ELAVL3: variants seen among roughly 807,000 people sequenced by gnomAD.
The protein encoded by ELAVL3 is ELAV like RNA binding protein 3.
ELAVL3 carries 8 observed loss-of-function variants against 34.2 expected under a neutral mutation model. The observed-to-expected ratio is 0.23, with a 90% CI of 0.14 to 0.42. The LOEUF is 0.42. Among genes scored for constraint, ELAVL3 ranks in the 10% least tolerant of loss-of-function variants. The pLI is 1.00. For synonymous variants in ELAVL3, 209 were observed against 222.1 expected (o/e 0.94, Z 0.53); for missense variants, 273 against 518.8 (o/e 0.53, Z 4.60).
rs552353483 is a variant in ELAVL3 at position 11,454,328 on chromosome 19, G to A, written c.*198C>T. ...CAGGAGGATGGGGCGGGGGATCCCC[G>A]GGCACCCCCCCAATTCCCTGCAGAC... On this transcript the variant is annotated 3_prime_UTR_variant, in exon 7 of 7. Transcript: ENST00000359227. This position sits in a 1 kb window ranked among gnomAD's most constrained non-coding sequence, Gnocchi z 9.2. 29 of 581,782 alleles carry A rather than the reference G, an allele frequency of 5.0e-5. No homozygotes were observed. Among genetic ancestry groups the A allele is most frequent in the South Asian group, 2.1e-4 (9 of 42,714 alleles). The allele number at this position is 581,782 out of a possible 1,614,324, so 36.0% of individuals were successfully genotyped here.
At chr19:11,464,168 T>TA (rs34925349) in intron 3 of ELAVL3, among the ~76,000 whole-genome samples, 5,528 of 78,406 alleles carry the variant, frequency 0.071, 181 homozygotes, top group East Asian at 0.2. Context: ...TATATATATA[T>TA]TTTTTTTTTT....
rs780686393 is a variant in ELAVL3, at chr19:11,458,051, G to A, written c.713+10C>T. ...CCGGCCTGGGGCCATCTGGCTGGCA[G>A]GGGGCTCACCGGAAACGCTGGGTCT... On this transcript the variant is annotated intron_variant, in intron 5 of 6. Coordinates refer to ENST00000359227, the MANE Select transcript of ELAVL3 (RefSeq NM_001420.4). This position sits in a 1 kb window ranked among gnomAD's most constrained non-coding sequence, Gnocchi z 7.3. 9.3e-6 allele frequency: 15 copies of A among 1,609,760 alleles called. No homozygotes were observed. In the East Asian group the frequency reaches 2.5e-4, roughly 26 times the overall value.
rs144461011 is a variant in ELAVL3, at chr19:11,466,732, G to A, written c.105C>T (p.Asp35=). ...GPLLGTNGAT[D]DSKTNLIVNY... ...TGACGATGAGGTTGGTCTTGCTGTC[G>A]TCAGTGGCTCCATTTGTACCAAGGA... Residue 35 remains aspartate, a synonymous_variant, in exon 2 of 7, where the codon GAC becomes GAT. Transcript: ENST00000359227. The surrounding 1 kb of genome is among the most constrained non-coding windows in gnomAD (Gnocchi z 5.0). The A allele has an allele frequency of 3.7e-6, 6 of 1,614,144 alleles. No homozygotes were observed. Among genetic ancestry groups the A allele is most frequent in the East Asian group, 2.2e-5 (1 of 44,874 alleles).
In ELAVL3 at chr19:11,452,877, C is replaced by A. The variant is rs1970683578; in HGVS notation, c.*1649G>T. 1 of 152,010 alleles carries A rather than the reference C, an allele frequency of 6.6e-6. No individual in the cohort carries two copies. Among genetic ancestry groups the A allele is most frequent in the Non-Finnish European group, 1.5e-5 (1 of 68,008 alleles). The allele number at this position is 152,010 out of a possible 1,614,324, so 9.4% of individuals were successfully genotyped here. Reference sequence around the variant, plus strand: ...AAGAAAACTAGGGCGATGCAATGTCCAGACAGAAGCCGGGGGCCGGGGCTC... The same window carrying A: ...AAGAAAACTAGGGCGATGCAATGTCAAGACAGAAGCCGGGGGCCGGGGCTC... On this transcript the variant is annotated 3_prime_UTR_variant, in exon 7 of 7. Coordinates refer to ENST00000359227, the MANE Select transcript of ELAVL3 (RefSeq NM_001420.4).
intron 3 of ELAVL3, among the ~76,000 whole-genome samples, chr19:11,464,600 CACAT>C (rs1460258661): frequency 2.7e-5 from 4 of 147,254 alleles, no homozygotes; most frequent in African/African-American, 1.0e-4. Context: ...CATACACACA[CACAT>C]ACACCACACA....
intron 6 of ELAVL3, 126 bp from the exon 7 acceptor site, chr19:11,455,003 A>AT: frequency 4.4e-6 from 5 of 1,131,352 alleles, no homozygotes; most frequent in South Asian, 1.5e-5. Context: ...CCTGCAATGC[A>AT]ATTTTTTTTT....
intron 1 of ELAVL3, among the ~76,000 whole-genome samples, chr19:11,475,987 G>T (rs1224019749): frequency 6.6e-6 from 1 of 152,132 alleles, no homozygotes; most frequent in Non-Finnish European, 1.5e-5. Flanking sequence ...GTTGCTCCTG[G>T]GAGGGCTGCC....
At position 11,458,100 on chromosome 19, in the gene ELAVL3, C is replaced by T. The variant is rs747316633; in HGVS notation, c.674G>A (p.Arg225His). The T allele has an allele frequency of 6.8e-6, 11 of 1,613,828 alleles. No individual in the cohort carries two copies. The highest frequency in any genetic ancestry group is 8.5e-6 in the Non-Finnish European group (10 of 1,180,032). ...LTHLYQSSARRYAGPLHHQTQ... is the reference protein window; with the variant it reads ...LTHLYQSSARHYAGPLHHQTQ... Reference sequence around the variant, plus strand: ...CTGATGGTGTAGGGGGCCTGCGTAGCGCCGGGCGGATGACTGGTAGAGGTG... The same window carrying T: ...CTGATGGTGTAGGGGGCCTGCGTAGTGCCGGGCGGATGACTGGTAGAGGTG... Residue 225 changes from arginine (R) to histidine (H), a missense_variant, in exon 5 of 7, where the codon CGC becomes CAC. Physicochemically the swap from Arg to His is conservative, Grantham distance 29 (BLOSUM62 0). This residue lies in a region of ELAVL3 where 79 missense variants were observed against 108.2 expected (regional missense o/e 0.73). Coordinates refer to ENST00000359227, the MANE Select transcript of ELAVL3 (RefSeq NM_001420.4). This position sits in a 1 kb window ranked among gnomAD's most constrained non-coding sequence, Gnocchi z 7.3.
chr19:11,454,240 C>G lies in ELAVL3; in HGVS notation c.*286G>C, dbSNP rs1970718292. The stretch of plus-strand genomic sequence containing the variant: ...CATTCTTTTTAGCCGAAAAAAGAAA[C>G]AAAAACCTTCACCATGAACCAAACC... On this transcript the variant is annotated 3_prime_UTR_variant, in exon 7 of 7. Coordinates refer to ENST00000359227, the MANE Select transcript of ELAVL3 (RefSeq NM_001420.4). This position sits in a 1 kb window ranked among gnomAD's most constrained non-coding sequence, Gnocchi z 9.2. 3 of 392,632 alleles carry G rather than the reference C, an allele frequency of 7.6e-6. No homozygotes were observed. Among genetic ancestry groups the G allele is most frequent in the Non-Finnish European group, 9.2e-6 (2 of 217,550 alleles). The allele number at this position is 392,632 out of a possible 1,614,324, so 24.3% of individuals were successfully genotyped here. A position where few individuals can be genotyped will look rare whatever the true frequency, so the allele number is the denominator to read the frequency against.
chr19:11,458,696 G>T lies in ELAVL3; in HGVS notation c.334-85C>A, dbSNP rs1020517935. On this transcript the variant is annotated intron_variant, in intron 3 of 6. Coordinates refer to ENST00000359227, the MANE Select transcript of ELAVL3 (RefSeq NM_001420.4). This position sits in a 1 kb window ranked among gnomAD's most constrained non-coding sequence, Gnocchi z 7.3. ...AGTGAGGCCATGTCTAAACCATCAC[G>T]GAGTTAGCAGAAGTGACCCATCCGT... 1 of 1,539,006 alleles carries T rather than the reference G, an allele frequency of 6.5e-7. No homozygotes were observed. Among genetic ancestry groups the T allele is most frequent in the East Asian group, 2.3e-5 (1 of 44,342 alleles).
At position 11,452,795 on chromosome 19, in the gene ELAVL3, GAGGGCTCCCA is replaced by G. The variant is rs1970681029; in HGVS notation, c.*1721_*1730del. ...CGCTGAGTGGGGTGGGGAGCGGTGC[GAGGGCTCCCA>G]GGGGCTCCGGCCTGTGGCTTCTGTT... On this transcript the variant is annotated 3_prime_UTR_variant, in exon 7 of 7. Transcript: ENST00000359227. 1 of 151,856 alleles carries G rather than the reference GAGGGCTCCCA, an allele frequency of 6.6e-6. No individual in the cohort carries two copies. The highest frequency in any genetic ancestry group is 2.4e-5 in the African/African-American group (1 of 41,320). The allele number at this position is 151,856 out of a possible 1,614,324, so 9.4% of individuals were successfully genotyped here.
rs34925349 is a variant in ELAVL3, at chr19:11,464,168, T to TATA, written c.333+2003_333+2004insTAT. Among the ~76,000 whole-genome samples, 388 of 79,024 alleles carry TATA rather than the reference T, an allele frequency of 4.9e-3. 4 individuals carry two copies. Among genetic ancestry groups the TATA allele is most frequent in the East Asian group, 0.019 (65 of 3,400 alleles). The allele number at this position is 79,024 out of a possible 152,430, so 51.8% of individuals were successfully genotyped here. On this transcript the variant is annotated intron_variant, in intron 3 of 6. Coordinates refer to ENST00000359227, the MANE Select transcript of ELAVL3 (RefSeq NM_001420.4). ...CTCTCTCTCTATATATATATATATATTTTTTTTTTTTTTAGACAGGGTCTT... is the reference window on the plus strand; with the variant it reads ...CTCTCTCTCTATATATATATATATATATATTTTTTTTTTTTTAGACAGGGTCTT...
chr19:11,455,254 C>T (rs1970744055), intron 6 of ELAVL3, among the ~76,000 whole-genome samples: 1 of 149,832 alleles, frequency 6.7e-6, no homozygotes, highest in South Asian at 2.1e-4. Context: ...CCTGCCTTGG[C>T]TTCCCAAGTA....
intron 6 of ELAVL3, among the ~76,000 whole-genome samples, chr19:11,455,968 C>G (rs1386428576): frequency 6.6e-6 from 1 of 152,210 alleles, no homozygotes; most frequent in Non-Finnish European, 1.5e-5. Context: ...CCACGAGGAA[C>G]AAACTACTCG....
rs560142919 is a variant in ELAVL3, at chr19:11,452,314, G to A, written c.*2212C>T. Reference sequence around the variant, plus strand: ...TTAAAGAAACAAAGAGAACATTGTCGTTCCTTTAACTTGCAAACCGGATGA... The same window carrying A: ...TTAAAGAAACAAAGAGAACATTGTCATTCCTTTAACTTGCAAACCGGATGA... On this transcript the variant is annotated 3_prime_UTR_variant, in exon 7 of 7. Transcript: ENST00000359227. 4 of 152,232 alleles carry A rather than the reference G, an allele frequency of 2.6e-5. No homozygotes were observed. The highest frequency in any genetic ancestry group is 9.6e-5 in the African/African-American group (4 of 41,530). The allele number at this position is 152,232 out of a possible 1,614,324, so 9.4% of individuals were successfully genotyped here.
At chr19:11,472,173 ACTGT>A (rs1226315549) in intron 1 of ELAVL3, among the ~76,000 whole-genome samples, 1 of 152,122 alleles carries the variant, frequency 6.6e-6, no homozygotes, top group Non-Finnish European at 1.5e-5. Flanking sequence ...ACATAGCGAA[ACTGT>A]CTGTACTAAA....
rs755556240 is a variant in ELAVL3 at position 11,458,062 on chromosome 19, G to A, written c.712C>T (p.Arg238Trp). ...CCATCTGGCTGGCAGGGGGCTCACCGGAAACGCTGGGTCTGATGGTGTAGG... is the reference window on the plus strand; with the variant it reads ...CCATCTGGCTGGCAGGGGGCTCACCAGAAACGCTGGGTCTGATGGTGTAGG... ...GPLHHQTQRF[R>W]LDNLLNMAYG... The change falls in exon 5 of 7, where the codon CGG (arginine) becomes TGG (tryptophan). Residue 238 changes from arginine to tryptophan, a missense_variant and splice_region_variant. By Grantham distance (101) the Arg-to-Trp change is moderately radical. Transcript: ENST00000359227. This position sits in a 1 kb window ranked among gnomAD's most constrained non-coding sequence, Gnocchi z 7.3. 4 of 1,611,416 alleles carry A rather than the reference G, an allele frequency of 2.5e-6. No individual in the cohort carries two copies. The highest frequency in any genetic ancestry group is 1.3e-5 in the African/African-American group (1 of 74,920).
chr19:11,470,211 C>T (rs966342049), intron 1 of ELAVL3, among the ~76,000 whole-genome samples: 13 of 151,936 alleles, frequency 8.6e-5, no homozygotes, highest in Non-Finnish European at 1.5e-4. Flanking sequence ...CACAATTAGC[C>T]AGGTGTGGTG....
Position 11,454,455 on chromosome 19 carries a change from C to G in ELAVL3, c.*71G>C. 1.5e-6 allele frequency: 2 copies of G among 1,369,616 alleles called. No homozygotes were observed. Among genetic ancestry groups the G allele is most frequent in the Non-Finnish European group, 1.9e-6 (2 of 1,028,118 alleles). 84.8% of individuals were successfully genotyped at this position (1,369,616 alleles called of 1,614,324 possible). ...GCTGTCTCTCTTGGGCCCCTTCTCT[C>G]TCTCTCTCTCTCTTTCTCTCTCTCT... On this transcript the variant is annotated 3_prime_UTR_variant, in exon 7 of 7. Transcript: ENST00000359227. This position sits in a 1 kb window ranked among gnomAD's most constrained non-coding sequence, Gnocchi z 9.2.
Sources: allele counts gnomAD v4.1 joint callset (sites outside exome capture counted in the v4.1 genomes callset), GRCh38; gene constraint gnomAD v4.1.1; regional missense constraint gnomAD v4.1.1; non-coding constraint Gnocchi (gnomAD v3.1); transcripts MANE v1.5; gene names NCBI Gene and HGNC (gene_info 2026-07-23, HGNC 2026-07-21).